Variants in RNF220 observed in about 807,000 individuals in gnomAD.
The protein encoded by RNF220 is ring finger protein 220.
In RNF220, 7 loss-of-function variants were observed where a neutral mutation model predicts 67.1. The ratio of observed to expected loss-of-function variants is 0.10; its 90% CI spans 0.06 to 0.20. The LOEUF (loss-of-function observed/expected upper bound fraction) is 0.20. Among genes scored for constraint, RNF220 ranks in the 10% least tolerant of loss-of-function variants. The pLI, the probability that RNF220 is intolerant of heterozygous loss-of-function variation, is 1.00. For synonymous variants in RNF220, 270 were observed against 283.2 expected, an observed-to-expected ratio of 0.95 and a Z score of 0.47; for missense variants, 565 against 740.3, an observed-to-expected ratio of 0.76 and a Z score of 2.75.
At chr1:44,498,988 C>A (rs1367750270) in intron 2 of RNF220, among the ~76,000 whole-genome samples, 2 of 152,044 alleles carry the variant, frequency 1.3e-5, no homozygotes, top group Non-Finnish European at 2.9e-5. Flanking sequence ...GTAATTATAC[C>A]CCTTCCTAAT....
Position 44,597,689 on chromosome 1 carries a change from G to A in RNF220, c.626-16476G>A, listed in dbSNP as rs149896103. Among the ~76,000 whole-genome samples the A allele has an allele frequency of 3.0e-3, 461 of 151,822 alleles. 4 individuals carry two copies. The highest frequency in any genetic ancestry group is 0.011 in the African/African-American group (441 of 41,376). The stretch of plus-strand genomic sequence containing the variant: ...TCTCCCAGATGGCTCCGGCACACAC[G>A]CACCTCTCTGTCTCATAGAAGCCTC... On this transcript the variant is annotated intron_variant, in intron 2 of 14. Coordinates refer to ENST00000361799, the MANE Select transcript of RNF220 (RefSeq NM_018150.4).
chr1:44,437,182 G>C (rs1190158323), intron 2 of RNF220, among the ~76,000 whole-genome samples: 1 of 152,174 alleles, frequency 6.6e-6, no homozygotes, highest in Non-Finnish European at 1.5e-5. Context: ...ACCAACCAAT[G>C]CGGTAGACTT....
intron 2 of RNF220, among the ~76,000 whole-genome samples, chr1:44,430,915 T>C (rs1025555410): frequency 1.3e-5 from 2 of 152,236 alleles, no homozygotes; most frequent in African/African-American, 4.8e-5. Flanking sequence ...CTAGCATTTA[T>C]GATTGAATCT....
intron 2 of RNF220, among the ~76,000 whole-genome samples, chr1:44,430,584 C>T (rs1650255106): frequency 6.6e-6 from 1 of 152,082 alleles, no homozygotes. Flanking sequence ...CTTGCTCTGT[C>T]TCCCAGGCTG....
In RNF220 at chr1:44,485,380, T is replaced by TCCC. The variant is rs1656195302; in HGVS notation, c.625+72658_625+72659insCCC. Among the ~76,000 whole-genome samples the TCCC allele has an allele frequency of 6.6e-5, 10 of 152,306 alleles. No homozygotes were observed. The South Asian group carries it at 2.1e-3, about 32-fold the overall frequency. On this transcript the variant is annotated intron_variant, in intron 2 of 14. Transcript: ENST00000361799. ...GGGAGGTCTCCCGGGATTGTTCCTA[T>TCCC]GGAGAGACAGTGGTTGTGTAAGAAT...
At chr1:44,447,679 C>G (rs1246226837) in intron 2 of RNF220, among the ~76,000 whole-genome samples, 1 of 152,192 alleles carries the variant, frequency 6.6e-6, no homozygotes, top group Non-Finnish European at 1.5e-5. Context: ...TATGCATTAT[C>G]TCATTTAACC....
chr1:44,644,721 G>A lies in RNF220; in HGVS notation c.1150G>A (p.Gly384Ser), dbSNP rs535375215. ...AGGCTCTGGCTTCATCATGTGCAGC[G>A]GCAAAGAGAACCCGGACAGTGATGC... ...FRGSGFIMCS[G>S]KENPDSDADL... The change falls in exon 9 of 15, where the codon GGC becomes AGC. Residue 384 changes from glycine (G) to serine (S), a missense_variant. Gly to Ser is a moderately conservative substitution (Grantham distance 56). Coordinates refer to ENST00000361799, the MANE Select transcript of RNF220 (RefSeq NM_018150.4). The A allele has an allele frequency of 4.3e-6, 7 of 1,614,076 alleles. No homozygotes were observed. In the Admixed American group the frequency reaches 6.7e-5, roughly 15 times the overall value.
At chr1:44,551,358 A>G (rs1454311460) in intron 2 of RNF220, among the ~76,000 whole-genome samples, 1 of 151,418 alleles carries the variant, frequency 6.6e-6, no homozygotes, top group Non-Finnish European at 1.5e-5. Flanking sequence ...CATGTGATCC[A>G]CCCGCCTGAG....
intron 2 of RNF220, among the ~76,000 whole-genome samples, chr1:44,502,437 T>A (rs1658011239): frequency 6.6e-6 from 1 of 152,096 alleles, no homozygotes; most frequent in Non-Finnish European, 1.5e-5. Flanking sequence ...AATATAAAAA[T>A]GGGATTATTC....
intron 2 of RNF220, among the ~76,000 whole-genome samples, chr1:44,568,467 A>G (rs146575000): frequency 9.5e-4 from 144 of 152,340 alleles, no homozygotes; most frequent in African/African-American, 3.3e-3. Context: ...CCCCATCCCT[A>G]GCACAGTGCC....
chr1:44,461,224 G>A (rs1653727796), intron 2 of RNF220, among the ~76,000 whole-genome samples: 1 of 151,864 alleles, frequency 6.6e-6, no homozygotes, highest in African/African-American at 2.4e-5. Flanking sequence ...CCAAGAAAAA[G>A]GTAAAACCAG....
At chr1:44,458,336 GTTTT>G (rs57080249) in intron 2 of RNF220, among the ~76,000 whole-genome samples, 1 of 141,186 alleles carries the variant, frequency 7.1e-6, no homozygotes, top group Admixed American at 7.2e-5. Context: ...GATTTTTCCA[GTTTT>G]TTTTTTTTTT....
At chr1:44,494,653 A>G (rs1385144594) in intron 2 of RNF220, among the ~76,000 whole-genome samples, 2 of 152,170 alleles carry the variant, frequency 1.3e-5, no homozygotes, top group Non-Finnish European at 2.9e-5. Flanking sequence ...GTGGAAATGT[A>G]TTTGTTTGCA....
chr1:44,469,106 A>G (rs1169816935), intron 2 of RNF220, among the ~76,000 whole-genome samples: 1 of 152,218 alleles, frequency 6.6e-6, no homozygotes, highest in Non-Finnish European at 1.5e-5. Flanking sequence ...AAAGAAATAT[A>G]AATGGCCAAT....
intron 2 of RNF220, among the ~76,000 whole-genome samples, chr1:44,524,103 T>TGG (rs5773839): frequency 3.7e-5 from 5 of 136,622 alleles, no homozygotes; most frequent in African/African-American, 1.1e-4. Flanking sequence ...CAAATGTGAA[T>TGG]GGGGGGATGC....
intron 2 of RNF220, among the ~76,000 whole-genome samples, chr1:44,521,766 C>T (rs1399498538): frequency 6.6e-6 from 1 of 152,194 alleles, no homozygotes; most frequent in Non-Finnish European, 1.5e-5. Flanking sequence ...CCCCACTAGA[C>T]TGTATGCACG....
At chr1:44,618,495 A>G (rs944582525) in intron 3 of RNF220, among the ~76,000 whole-genome samples, 15 of 152,142 alleles carry the variant, frequency 9.9e-5, no homozygotes, top group Non-Finnish European at 1.9e-4. Flanking sequence ...TCTCTCCCTC[A>G]CCCCATCCTT....
At chr1:44,633,816 C>T (rs906434929) in intron 6 of RNF220, among the ~76,000 whole-genome samples, 1 of 152,258 alleles carries the variant, frequency 6.6e-6, no homozygotes, top group Admixed American at 6.5e-5. Flanking sequence ...GGGTCCTTTG[C>T]TCAATGCCTT....
chr1:44,468,916 CA>C (rs5773833), intron 2 of RNF220, among the ~76,000 whole-genome samples: 10 of 147,130 alleles, frequency 6.8e-5, no homozygotes, highest in African/African-American at 1.2e-4. Flanking sequence ...GACTCTGTCT[CA>C]AAAAAAAAAG....
Sources: gnomAD v4.1 joint callset for allele counts (sites outside exome capture counted in the v4.1 genomes callset) on GRCh38, gnomAD v4.1.1 for gene constraint, MANE v1.5 for transcripts, NCBI Gene and HGNC (gene_info 2026-07-23, HGNC 2026-07-21) for gene names.